ATP2C2: variants seen among roughly 807,000 people sequenced by gnomAD.
ATP2C2 encodes the protein ATPase secretory pathway Ca2+ transporting 2.
ATP2C2 carries 171 observed loss-of-function variants against 110.8 expected under a neutral mutation model. That is an observed-to-expected ratio of 1.54 (90% confidence interval 1.36 to 1.75). The LOEUF is 1.75. ATP2C2 is among the 40% of genes most tolerant of loss of function. ATP2C2 has a pLI of 0.00. For synonymous variants in ATP2C2, 804 were observed against 508.4 expected (o/e 1.58, Z -7.82); for missense variants, 1,963 against 1,235.0 (o/e 1.59, Z -8.84).
intron 23 of ATP2C2, 40 bp from the exon 24 acceptor site, chr16:84,460,614 C>G (rs1273301338): frequency 1.2e-6 from 2 of 1,613,896 alleles, no homozygotes; most frequent in Non-Finnish European, 1.7e-6. Flanking sequence ...TTATTTCATT[C>G]CTGGTTCATT....
At chr16:84,421,606 C>A (rs1009720070) in intron 7 of ATP2C2, among the ~76,000 whole-genome samples, 1 of 151,984 alleles carries the variant, frequency 6.6e-6, no homozygotes, top group Non-Finnish European at 1.5e-5. Flanking sequence ...CGGTTCTGGC[C>A]CTGGGAGCCT....
rs113867479 is a variant in ATP2C2 at position 84,385,651 on chromosome 16, C to T, written c.100-12848C>T. Among the ~76,000 whole-genome samples, 266 of 152,250 alleles carry T rather than the reference C, an allele frequency of 1.7e-3. 1 individual carries two copies. Among genetic ancestry groups the T allele is most frequent in the African/African-American group, 5.9e-3 (245 of 41,552 alleles). ...AAGAGGTTTCATTGACTCACAGTTC[C>T]GCATGTCTGGGGAGGCCTCAGGAAA... is the stretch of plus-strand genomic sequence containing the variant. On this transcript the variant is annotated intron_variant, in intron 1 of 26. Transcript: ENST00000262429.
intron 1 of ATP2C2, among the ~76,000 whole-genome samples, chr16:84,386,522 C>A (rs1208255834): frequency 4.6e-5 from 7 of 152,328 alleles, no homozygotes; most frequent in African/African-American, 1.7e-4. Flanking sequence ...TCCTCTTGGC[C>A]CGAATGCACT....
intron 1 of ATP2C2, among the ~76,000 whole-genome samples, chr16:84,376,176 G>A (rs1459036272): frequency 6.6e-6 from 1 of 152,166 alleles, no homozygotes; most frequent in East Asian, 1.9e-4. Context: ...AGTAGTTTGG[G>A]TCAGCACATT....
intron 11 of ATP2C2, 177 bp downstream of exon 11, chr16:84,425,978 G>T: frequency 1.5e-6 from 1 of 665,750 alleles, no homozygotes; most frequent in South Asian, 1.8e-5. Flanking sequence ...AGAGTGCCCG[G>T]CGAATGCTTG....
chr16:84,422,239 G>A, intron 7 of ATP2C2, 151 bp from the exon 8 acceptor site: 1 of 775,736 alleles, frequency 1.3e-6, no homozygotes, highest in Non-Finnish European at 2.0e-6. Context: ...GATCCTGGAG[G>A]CCTCAGAGGC....
rs891736419 is a variant in ATP2C2, at chr16:84,446,574, C to T, written c.1503+144C>T. On this transcript the variant is annotated intron_variant, in intron 16 of 26. Transcript: ENST00000262429. ...CAAATACATGGAAAAACTTAATCAC[C>T]ATCATACCTTTGATTCTCTTGGGTC... 4 of 523,290 alleles carry T rather than the reference C, an allele frequency of 7.6e-6. No individual in the cohort carries two copies. The African/African-American group carries it at 7.9e-5, about 10-fold the overall frequency. 32.4% of individuals were successfully genotyped at this position (523,290 alleles called of 1,614,324 possible).
At chr16:84,372,197 T>C (rs1394578309) in intron 1 of ATP2C2, among the ~76,000 whole-genome samples, 1 of 152,142 alleles carries the variant, frequency 6.6e-6, no homozygotes, top group Non-Finnish European at 1.5e-5. Flanking sequence ...CAGGACATGA[T>C]AGTCACTCAT....
At chr16:84,403,283 C>T (rs563976849) in intron 2 of ATP2C2, among the ~76,000 whole-genome samples, 1 of 152,038 alleles carries the variant, frequency 6.6e-6, no homozygotes, top group African/African-American at 2.4e-5. Flanking sequence ...GTGGTAAATA[C>T]ACAACATAAA....
chr16:84,448,209 C>G (rs761584399), intron 16 of ATP2C2, among the ~76,000 whole-genome samples: 10 of 152,184 alleles, frequency 6.6e-5, no homozygotes, highest in Non-Finnish European at 1.0e-4. Flanking sequence ...CCCAAAGGCA[C>G]AGTCCCAGCT....
intron 15 of ATP2C2, among the ~76,000 whole-genome samples, chr16:84,445,998 T>G (rs1248488304): frequency 6.6e-6 from 1 of 152,236 alleles, no homozygotes; most frequent in Non-Finnish European, 1.5e-5. Context: ...GCTGTCTCAC[T>G]GACTCAGGGG....
chr16:84,440,491 C>T (rs772428588), intron 13 of ATP2C2, among the ~76,000 whole-genome samples: 7 of 152,216 alleles, frequency 4.6e-5, no homozygotes, highest in Admixed American at 1.3e-4. Context: ...TGTGCCGCAA[C>T]GGCAGAGCTG....
chr16:84,406,808 C>T (rs1818390952), intron 3 of ATP2C2, among the ~76,000 whole-genome samples: 1 of 152,068 alleles, frequency 6.6e-6, no homozygotes, highest in African/African-American at 2.4e-5. Context: ...TTTGCTCTGC[C>T]CTGGCACCCC....
At chr16:84,409,530 G>A (rs1236396467) in intron 4 of ATP2C2, among the ~76,000 whole-genome samples, 2 of 151,504 alleles carry the variant, frequency 1.3e-5, no homozygotes, top group Non-Finnish European at 2.9e-5. Flanking sequence ...CTTTTTTTGA[G>A]ACAGAGTCTT....
intron 13 of ATP2C2, 136 bp downstream of exon 13, chr16:84,439,660 A>C: frequency 1.2e-6 from 1 of 819,650 alleles, no homozygotes; most frequent in South Asian, 1.7e-5. Flanking sequence ...CTCCTTGCTA[A>C]CATGACTGAT....
At position 84,439,453 on chromosome 16, in the gene ATP2C2, A is replaced by G; in HGVS notation, c.1138A>G (p.Lys380Glu). ...TTGCTGCAGCGTTCTCTGTTCTGAC[A>G]AGACGGGGACTCTGACTGCCAATGA... ...LGCCSVLCSD[K>E]TGTLTANEMT... Residue 380 changes from lysine to glutamate, a missense_variant, in exon 13 of 27, where the codon AAG becomes GAG. Coordinates refer to ENST00000262429, the MANE Select transcript of ATP2C2 (RefSeq NM_014861.4). The G allele has an allele frequency of 6.2e-7, 1 of 1,614,176 alleles. No homozygotes were observed. Among genetic ancestry groups the G allele is most frequent in the South Asian group, 1.1e-5 (1 of 91,080 alleles).
intron 2 of ATP2C2, among the ~76,000 whole-genome samples, chr16:84,403,783 C>G (rs1046196349): frequency 1.3e-5 from 2 of 151,786 alleles, no homozygotes; most frequent in East Asian, 2.0e-4. Context: ...CTCCGCCTCC[C>G]AGCTTCAAGC....
intron 2 of ATP2C2, among the ~76,000 whole-genome samples, chr16:84,402,975 A>T (rs189664912): frequency 1.3e-5 from 2 of 152,270 alleles, no homozygotes. Flanking sequence ...TTATTGGTCT[A>T]TTCAGCTTTT....
intron 1 of ATP2C2, among the ~76,000 whole-genome samples, chr16:84,380,380 C>T (rs1011493971): frequency 1.3e-5 from 2 of 152,158 alleles, no homozygotes; most frequent in East Asian, 3.9e-4. Context: ...TTCCTTCCTT[C>T]TTTTCCTGTC....
Sources: gnomAD v4.1 joint callset for allele counts (sites outside exome capture counted in the v4.1 genomes callset) on GRCh38, gnomAD v4.1.1 for gene constraint, MANE v1.5 for transcripts, NCBI Gene and HGNC (gene_info 2026-07-23, HGNC 2026-07-21) for gene names.